The following GPC6 variants were observed in gnomAD, a reference collection of about 807,000 sequenced individuals.
The protein encoded by GPC6 is glypican 6, also known as glypican-6.
Under a neutral mutation model 55.2 loss-of-function variants are expected in GPC6, and 14 were observed. The ratio of observed to expected loss-of-function variants is 0.25; its 90% confidence interval spans 0.17 to 0.40. The LOEUF (loss-of-function observed/expected upper bound fraction) is 0.40. Among genes scored for constraint, GPC6 ranks in the 10% least tolerant of loss-of-function variants. The pLI, the probability that GPC6 is intolerant of heterozygous loss-of-function variation, is 1.00. For missense variants in GPC6, 641 were observed against 708.5 expected, an observed-to-expected ratio of 0.90 and a Z score of 1.08; for synonymous variants, 278 against 259.6, an observed-to-expected ratio of 1.07 and a Z score of -0.68.
At chr13:93,994,025 A>G (rs1236523926) in intron 3 of GPC6, among the ~76,000 whole-genome samples, 1 of 152,198 alleles carries the variant, frequency 6.6e-6, no homozygotes, top group Non-Finnish European at 1.5e-5. Context: ...ACAGCAGCCT[A>G]CTACAGTGAA....
chr13:93,434,687 T>C lies in GPC6; in HGVS notation c.161-110576T>C, dbSNP rs80274895. Among the ~76,000 whole-genome samples, 1,012 of 152,216 alleles carry C rather than the reference T, an allele frequency of 6.6e-3. 8 individuals are homozygous for C. The highest frequency in any genetic ancestry group is 0.023 in the African/African-American group (971 of 41,546). ...CAGATTGAGGCTGTAGATAACACAG[T>C]TTATCCCCAAGTCTGATTTTTAGTT... On this transcript the variant is annotated intron_variant, in intron 1 of 8. Transcript: ENST00000377047.
At chr13:93,884,441 AT>A (rs908682446) in intron 3 of GPC6, among the ~76,000 whole-genome samples, 12 of 151,994 alleles carry the variant, frequency 7.9e-5, no homozygotes, top group South Asian at 2.1e-4. Context: ...GCTATTATGG[AT>A]TTTTTTTATC....
intron 4 of GPC6, among the ~76,000 whole-genome samples, chr13:94,204,994 C>A (rs1231554002): frequency 2.0e-5 from 3 of 152,080 alleles, no homozygotes; most frequent in Admixed American, 1.3e-4. Context: ...ATATTCTTAA[C>A]CCTGGATCAA....
At chr13:93,718,369 CT>C (rs1430882915) in intron 2 of GPC6, among the ~76,000 whole-genome samples, 1 of 150,872 alleles carries the variant, frequency 6.6e-6, no homozygotes, top group Non-Finnish European at 1.5e-5. Flanking sequence ...CAGTGATGAG[CT>C]TTTTTTCATG....
At chr13:94,284,041 T>C (rs1892460156) in intron 4 of GPC6, among the ~76,000 whole-genome samples, 1 of 152,188 alleles carries the variant, frequency 6.6e-6, no homozygotes, top group African/African-American at 2.4e-5. Flanking sequence ...AGGCATGGCT[T>C]TCCTTAGCCC....
chr13:93,392,559 C>T (rs539468202), intron 1 of GPC6, among the ~76,000 whole-genome samples: 4 of 152,264 alleles, frequency 2.6e-5, no homozygotes, highest in African/African-American at 9.6e-5. Flanking sequence ...AAGGAAGTCC[C>T]AAAGGACCCT....
Position 93,427,031 on chromosome 13 carries a change from G to T in GPC6, c.161-118232G>T, listed in dbSNP as rs946821836. Among the ~76,000 whole-genome samples, 218 of 150,216 alleles carry T rather than the reference G, an allele frequency of 1.5e-3. 1 individual carries two copies. Among genetic ancestry groups the T allele is most frequent in the Non-Finnish European group, 2.2e-3 (147 of 67,700 alleles). ...TCATGTATTTTTTGGCTGCATAAAT[G>T]TCTTCTTTTGAGAAGTGTCTGTTCA... On this transcript the variant is annotated intron_variant, in intron 1 of 8. Transcript: ENST00000377047.
intron 2 of GPC6, among the ~76,000 whole-genome samples, chr13:93,748,713 A>G (rs1884482205): frequency 6.6e-6 from 1 of 152,090 alleles, no homozygotes; most frequent in African/African-American, 2.4e-5. Context: ...TTTGGTAATT[A>G]ATACAATACT....
chr13:93,543,791 A>G (rs191246471), intron 1 of GPC6, among the ~76,000 whole-genome samples: 5 of 152,276 alleles, frequency 3.3e-5, no homozygotes, highest in Admixed American at 2.6e-4. Context: ...CATGGGATGC[A>G]AACGTCTCTT....
chr13:93,712,197 G>GATTTATATA (rs2138810132), intron 2 of GPC6, among the ~76,000 whole-genome samples: 1 of 151,828 alleles, frequency 6.6e-6, no homozygotes, highest in African/African-American at 2.4e-5. Context: ...AAATCCTTAT[G>GATTTATATA]ATTTATATAA....
At chr13:93,662,343 A>G (rs1000262882) in intron 2 of GPC6, among the ~76,000 whole-genome samples, 7 of 152,154 alleles carry the variant, frequency 4.6e-5, no homozygotes, top group Non-Finnish European at 8.8e-5. Context: ...ATACTTCTAC[A>G]TTTAGGCTGG....
chr13:94,205,714 C>T (rs1889880747), intron 4 of GPC6, among the ~76,000 whole-genome samples: 3 of 152,316 alleles, frequency 2.0e-5, no homozygotes, highest in African/African-American at 7.2e-5. Flanking sequence ...GCTCTCCATG[C>T]TTTGTGACTT....
At chr13:94,074,710 T>C (rs887949558) in intron 4 of GPC6, among the ~76,000 whole-genome samples, 24 of 152,198 alleles carry the variant, frequency 1.6e-4, no homozygotes, top group Admixed American at 9.8e-4. Context: ...AGCAATTAGG[T>C]AGAGGTCTCT....
At chr13:94,059,538 C>T (rs1009320955) in intron 4 of GPC6, among the ~76,000 whole-genome samples, 4 of 151,946 alleles carry the variant, frequency 2.6e-5, no homozygotes, top group Non-Finnish European at 5.9e-5. Flanking sequence ...TGAACACGAA[C>T]GTGTTCTGGT....
chr13:93,297,911 T>C (rs1042895330), intron 1 of GPC6, among the ~76,000 whole-genome samples: 1 of 152,098 alleles, frequency 6.6e-6, no homozygotes, highest in Non-Finnish European at 1.5e-5. Context: ...TTGACCTGAG[T>C]CTTCCCAAAA....
chr13:93,699,587 G>A (rs771045618), intron 2 of GPC6, among the ~76,000 whole-genome samples: 9 of 152,034 alleles, frequency 5.9e-5, no homozygotes, highest in African/African-American at 1.7e-4. Context: ...GGGAATATAC[G>A]TTGTTGACTT....
chr13:93,532,869 C>T (rs990243786), intron 1 of GPC6, among the ~76,000 whole-genome samples: 1 of 145,544 alleles, frequency 6.9e-6, no homozygotes, highest in African/African-American at 2.6e-5. Flanking sequence ...TTTAAAGGAG[C>T]TATTTTTTGC....
At chr13:93,577,041 G>T (rs1239591337) in intron 2 of GPC6, among the ~76,000 whole-genome samples, 1 of 152,104 alleles carries the variant, frequency 6.6e-6, no homozygotes, top group Non-Finnish European at 1.5e-5. Context: ...TTTTTGTGAT[G>T]ATGCCATGAT....
chr13:93,351,560 T>A (rs1029286286), intron 1 of GPC6, among the ~76,000 whole-genome samples: 3 of 152,060 alleles, frequency 2.0e-5, no homozygotes, highest in Non-Finnish European at 4.4e-5. Flanking sequence ...GCACATTACA[T>A]AGATTCAAAT....
Sources: gnomAD v4.1 joint callset for allele counts (sites outside exome capture counted in the v4.1 genomes callset) on GRCh38, gnomAD v4.1.1 for gene constraint, MANE v1.5 for transcripts, NCBI Gene and HGNC (gene_info 2026-07-23, HGNC 2026-07-21) for gene names.